ITK: variants seen among roughly 807,000 people sequenced by gnomAD.
ITK encodes the protein tyrosine-protein kinase ITK/TSK.
ITK carries 45 observed loss-of-function variants against 87.6 expected under a neutral mutation model. The ratio of observed to expected loss-of-function variants is 0.51; its 90% CI spans 0.40 to 0.66. The LOEUF is 0.66. Among genes scored for constraint, ITK ranks in the 30% least tolerant of loss-of-function variants. The pLI is 0.00. For synonymous variants in ITK, 303 were observed against 273.6 expected, an observed-to-expected ratio of 1.11 and a Z score of -1.06; for missense variants, 605 against 766.3, an observed-to-expected ratio of 0.79 and a Z score of 2.48.
chr5:157,238,088 C>T lies in ITK; in HGVS notation c.769-21C>T. ...TGGTTTCCTGAGATCACTAACTTTC[C>T]ATTCTTTCTAACCATTCCAGGGCAA... is the stretch of plus-strand genomic sequence containing the variant. On this transcript the variant is annotated intron_variant, in intron 8 of 16. Coordinates refer to ENST00000422843, the MANE Select transcript of ITK (RefSeq NM_005546.4). 4 of 1,592,122 alleles carry T rather than the reference C, an allele frequency of 2.5e-6. No individual in the cohort carries two copies. The South Asian group carries it at 3.3e-5, about 13-fold the overall frequency.
intron 1 of ITK, among the ~76,000 whole-genome samples, chr5:157,206,446 G>T (rs576155473): frequency 1.3e-5 from 2 of 152,162 alleles, no homozygotes; most frequent in Non-Finnish European, 2.9e-5. Context: ...TCTTGGAATG[G>T]TTTCAGTAGG....
intron 1 of ITK, chr5:157,199,596 T>C (rs163434): frequency 0.057 from 8,656 of 152,216 alleles, 393 homozygotes; most frequent in African/African-American, 0.13. Flanking sequence ...TCCCAGCAAG[T>C]GCTAAGCCAG....
chr5:157,227,575 T>G (rs781775692), intron 6 of ITK, among the ~76,000 whole-genome samples: 5 of 152,124 alleles, frequency 3.3e-5, no homozygotes, highest in Non-Finnish European at 5.9e-5. Flanking sequence ...TTATTTTGGT[T>G]TCCTGACTAT....
At chr5:157,239,799 C>T (rs1055076058) in intron 9 of ITK, among the ~76,000 whole-genome samples, 1 of 152,202 alleles carries the variant, frequency 6.6e-6, no homozygotes, top group Non-Finnish European at 1.5e-5. Context: ...TCCATTCCCT[C>T]ATTTTGTGGC....
chr5:157,200,871 TG>T (rs1214884459), intron 1 of ITK, among the ~76,000 whole-genome samples: 1 of 152,178 alleles, frequency 6.6e-6, no homozygotes, highest in Non-Finnish European at 1.5e-5. Context: ...TGAAGTCTAC[TG>T]GCATAGGGGT....
chr5:157,190,767 G>GTA (rs1209953234), intron 1 of ITK, among the ~76,000 whole-genome samples: 1 of 152,118 alleles, frequency 6.6e-6, no homozygotes, highest in Non-Finnish European at 1.5e-5. Flanking sequence ...GGAACGGCAA[G>GTA]TACAAAGACC....
intron 1 of ITK, among the ~76,000 whole-genome samples, chr5:157,206,026 A>G (rs1754073105): frequency 7.8e-6 from 1 of 128,012 alleles, no homozygotes; most frequent in African/African-American, 3.1e-5. Flanking sequence ...CCTATGCTGG[A>G]GTGCAGTGTC....
chr5:157,247,074 T>A (rs1755032892), intron 15 of ITK, among the ~76,000 whole-genome samples: 1 of 152,200 alleles, frequency 6.6e-6, no homozygotes, highest in Non-Finnish European at 1.5e-5. Context: ...ACTTGAAGAT[T>A]GATTTTTGCC....
intron 15 of ITK, among the ~76,000 whole-genome samples, chr5:157,246,832 G>C (rs1755028486): frequency 6.6e-6 from 1 of 152,172 alleles, no homozygotes; most frequent in Non-Finnish European, 1.5e-5. Flanking sequence ...GACTTATTGG[G>C]AGAACAACAG....
chr5:157,204,614 G>A (rs904186654), intron 1 of ITK, among the ~76,000 whole-genome samples: 20 of 151,874 alleles, frequency 1.3e-4, no homozygotes, highest in South Asian at 4.2e-4. Flanking sequence ...CAGGAGAATC[G>A]CTTGAACCCA....
chr5:157,194,723 T>C (rs549413994), intron 1 of ITK, among the ~76,000 whole-genome samples: 1 of 152,360 alleles, frequency 6.6e-6, no homozygotes, highest in South Asian at 2.1e-4. Flanking sequence ...CTATAATTTA[T>C]GTTAGAAATA....
chr5:157,199,141 T>C (rs1753910367), intron 1 of ITK: 3 of 152,188 alleles, frequency 2.0e-5, no homozygotes, highest in Non-Finnish European at 2.9e-5. Flanking sequence ...TTATGTCGCT[T>C]TTGAAAAATG....
At chr5:157,246,715 G>C (rs374063252) in intron 15 of ITK, among the ~76,000 whole-genome samples, 25 of 152,156 alleles carry the variant, frequency 1.6e-4, no homozygotes, top group Non-Finnish European at 3.4e-4. Context: ...GCAGAGACTT[G>C]AATGATAGGA....
intron 4 of ITK, among the ~76,000 whole-genome samples, chr5:157,217,210 G>C (rs140041280): frequency 1.3e-5 from 2 of 152,070 alleles, no homozygotes; most frequent in African/African-American, 4.8e-5. Flanking sequence ...AAAGAGAGAG[G>C]AGAAGAGAAG....
intron 1 of ITK, among the ~76,000 whole-genome samples, chr5:157,189,267 T>C (rs1388564383): frequency 6.6e-6 from 1 of 152,184 alleles, no homozygotes; most frequent in Non-Finnish European, 1.5e-5. Context: ...TTAGATTTGA[T>C]TCCTACTGTT....
chr5:157,222,210 A>C (rs1460453772), intron 5 of ITK, among the ~76,000 whole-genome samples: 1 of 151,986 alleles, frequency 6.6e-6, no homozygotes. Flanking sequence ...CCCATCCTGA[A>C]CTCTGGCGAC....
intron 1 of ITK, among the ~76,000 whole-genome samples, chr5:157,189,548 G>A (rs1422492622): frequency 1.3e-5 from 2 of 152,222 alleles, no homozygotes; most frequent in African/African-American, 4.8e-5. Flanking sequence ...AGGCGTGGTG[G>A]CATATGCCTG....
At chr5:157,203,602 C>T (rs903064035) in intron 1 of ITK, among the ~76,000 whole-genome samples, 1 of 152,202 alleles carries the variant, frequency 6.6e-6, no homozygotes, top group Non-Finnish European at 1.5e-5. Context: ...GCTCGTGCAC[C>T]CTGTTTACCA....
intron 6 of ITK, among the ~76,000 whole-genome samples, chr5:157,226,547 G>A (rs1754535034): frequency 6.6e-6 from 1 of 152,138 alleles, no homozygotes; most frequent in Non-Finnish European, 1.5e-5. Flanking sequence ...GATTCTGAGG[G>A]CAGATGTCCA....
Sources: gnomAD v4.1 joint callset for allele counts (sites outside exome capture counted in the v4.1 genomes callset) on GRCh38, gnomAD v4.1.1 for gene constraint, MANE v1.5 for transcripts, NCBI Gene and HGNC (gene_info 2026-07-23, HGNC 2026-07-21) for gene names.